Variants in ATG101 observed in about 807,000 individuals in gnomAD.
ATG101 encodes autophagy-related protein 101.
Under a neutral mutation model 16.7 loss-of-function variants are expected in ATG101, and 6 were observed. The observed-to-expected ratio is 0.36, with a 90% confidence interval of 0.20 to 0.71. ATG101 has a LOEUF of 0.71. Among genes scored for constraint, ATG101 ranks in the 30% least tolerant of loss-of-function variants. ATG101 has a pLI of 0.57. For missense variants in ATG101, 200 were observed against 292.5 expected (o/e 0.68, Z 2.31); for synonymous variants, 108 against 118.1 (o/e 0.91, Z 0.56).
chr12:52,068,714 C>T (rs567296938), upstream of ATG101, among the ~76,000 whole-genome samples: 10 of 152,008 alleles, frequency 6.6e-5, no homozygotes, highest in Non-Finnish European at 1.2e-4. Context: ...TGGCCGGTCG[C>T]GGTGGCTCAC....
At chr12:52,068,136 T>A (rs1482924113), upstream of ATG101, among the ~76,000 whole-genome samples, 1 of 149,518 alleles carries the variant, frequency 6.7e-6, no homozygotes, top group Admixed American at 6.7e-5. Flanking sequence ...AACCTCCACC[T>A]CCCAGGTTCA....
In ATG101 at chr12:52,073,558, C is replaced by T. The variant is rs1474501597; in HGVS notation, c.-76-17C>T. On this transcript the variant is annotated splice_polypyrimidine_tract_variant and intron_variant, in intron 2 of 3. Transcript: ENST00000336854. ...GGACTATTCTTGTCAGCATTCTGAC[C>T]TGGGCTCCTTTTGCAGGGTGGCCCT... is the stretch of plus-strand genomic sequence containing the variant. 3.4e-6 allele frequency: 5 copies of T among 1,480,696 alleles called. No homozygotes were observed. The highest frequency in any genetic ancestry group is 4.6e-6 in the Non-Finnish European group (5 of 1,090,250). 91.7% of individuals were successfully genotyped at this position (1,480,696 alleles called of 1,614,324 possible). A position where few individuals can be genotyped will look rare whatever the true frequency, so the allele number is the denominator to read the frequency against.
upstream of ATG101, among the ~76,000 whole-genome samples, chr12:52,065,908 G>A (rs187913221): frequency 1.3e-3 from 196 of 152,238 alleles, no homozygotes; most frequent in African/African-American, 4.5e-3. Flanking sequence ...ATGGAGTTTC[G>A]CTCTTGTTGC....
At chr12:52,072,430 G>A (rs768403605) in intron 2 of ATG101, among the ~76,000 whole-genome samples, 20 of 152,248 alleles carry the variant, frequency 1.3e-4, no homozygotes, top group African/African-American at 1.9e-4. Context: ...TGTAGATGAG[G>A]TGGGATTCAA....
chr12:52,076,689 G>A, intron 3 of ATG101, 97 bp from the exon 4 acceptor site: 1 of 1,388,286 alleles, frequency 7.2e-7, no homozygotes, highest in African/African-American at 1.4e-5. Flanking sequence ...ATGATGACTA[G>A]AGCTAAGAGA....
At chr12:52,073,345 G>A (rs1298611258) in intron 2 of ATG101, among the ~76,000 whole-genome samples, 1 of 152,228 alleles carries the variant, frequency 6.6e-6, no homozygotes, top group African/African-American at 2.4e-5. Flanking sequence ...AGCATCTGCT[G>A]TAAACTACAT....
chr12:52,073,635 G>A lies in ATG101; in HGVS notation c.-16G>A. On this transcript the variant is annotated 5_prime_UTR_variant, in exon 3 of 4. Transcript: ENST00000336854. The stretch of plus-strand genomic sequence containing the variant: ...TATCCTAGTTCCACACCTTGGTGTG[G>A]GTTACTGGGTGCAGGATGAACTGTC... 6.2e-7 allele frequency: 1 copy of A among 1,608,414 alleles called. No homozygotes were observed. Among genetic ancestry groups the A allele is most frequent in the Non-Finnish European group, 8.5e-7 (1 of 1,175,794 alleles).
At chr12:52,068,990 C>CAAAAAAAAAAAAA (rs869030833), upstream of ATG101, among the ~76,000 whole-genome samples, 13 of 33,518 alleles carry the variant, frequency 3.9e-4, no homozygotes, top group South Asian at 2.5e-3. Flanking sequence ...GACGCCGTCT[C>CAAAAAAAAAAAAA]AAAAAAAAAA....
In ATG101 at chr12:52,070,367, G is replaced by C. The variant is rs1234630845; in HGVS notation, c.-193G>C. 1 of 152,692 alleles carries C rather than the reference G, an allele frequency of 6.5e-6. No individual in the cohort carries two copies. Among genetic ancestry groups the C allele is most frequent in the Non-Finnish European group, 1.5e-5 (1 of 68,208 alleles). The allele number at this position is 152,692 out of a possible 1,614,324, so 9.5% of individuals were successfully genotyped here. On this transcript the variant is annotated 5_prime_UTR_variant, in exon 2 of 4. Transcript: ENST00000336854. The stretch of plus-strand genomic sequence containing the variant: ...TTTTGCTTTTAGCTGGTCTCTTGTG[G>C]CTCAGCGCCGTGCGGAGGTTGAAGC...
In ATG101 at chr12:52,077,314, C is replaced by G; in HGVS notation, c.*124C>G. 1 of 1,135,842 alleles carries G rather than the reference C, an allele frequency of 8.8e-7. No homozygotes were observed. 70.4% of individuals were successfully genotyped at this position (1,135,842 alleles called of 1,614,324 possible). A position where few individuals can be genotyped will look rare whatever the true frequency, so the allele number is the denominator to read the frequency against. On this transcript the variant is annotated 3_prime_UTR_variant, in exon 4 of 4. Coordinates refer to ENST00000336854, the MANE Select transcript of ATG101 (RefSeq NM_021934.5). ...ATTGGTGAGACTTGGAAGGGGCAGCCCCCGCTGGCTTCTTGGTTTTGTGGT... is the reference window on the plus strand; with the variant it reads ...ATTGGTGAGACTTGGAAGGGGCAGCGCCCGCTGGCTTCTTGGTTTTGTGGT...
At chr12:52,069,845 G>A (rs1311622523), upstream of ATG101, 1 of 152,298 alleles carries the variant, frequency 6.6e-6, no homozygotes, top group Non-Finnish European at 1.5e-5. Context: ...ATGACTATCT[G>A]CGTGTGCTTC....
Position 52,077,251 on chromosome 12 carries a change from A to C in ATG101, c.*61A>C. On this transcript the variant is annotated 3_prime_UTR_variant, in exon 4 of 4. Coordinates refer to ENST00000336854, the MANE Select transcript of ATG101 (RefSeq NM_021934.5). ...CCAGACCTTGGCTTTTGGGAATTGCACTTTTGGGCCTTTGGGCTCTGGAAC... is the reference window on the plus strand; with the variant it reads ...CCAGACCTTGGCTTTTGGGAATTGCCCTTTTGGGCCTTTGGGCTCTGGAAC... The C allele has an allele frequency of 6.4e-7, 1 of 1,556,848 alleles. No individual in the cohort carries two copies. Among genetic ancestry groups the C allele is most frequent in the South Asian group, 1.2e-5 (1 of 84,094 alleles).
In ATG101 at chr12:52,076,852, A is replaced by T. The variant is rs1180665677; in HGVS notation, c.319A>T (p.Lys107Ter). The T allele has an allele frequency of 5.0e-6, 8 of 1,614,200 alleles. No homozygotes were observed. The highest frequency in any genetic ancestry group is 6.8e-6 in the Non-Finnish European group (8 of 1,180,040). ...GTCCTTGGAGTTCTACCAGAAGAAG[A>T]AGTCTCGCTGGCCATTCTCAGACGA... is the stretch of plus-strand genomic sequence containing the variant. Reference protein sequence around the residue: ...QMSLEFYQKKKSRWPFSDECI... With the variant: ...QMSLEFYQKK The change falls in exon 4 of 4, where the codon AAG becomes TAG. Residue 107 changes from lysine (K) to a stop codon, truncating the protein, a stop_gained. Coordinates refer to ENST00000336854, the MANE Select transcript of ATG101 (RefSeq NM_021934.5). LOFTEE classifies it high-confidence loss of function.
At chr12:52,075,366 G>A (rs1040154736) in intron 3 of ATG101, among the ~76,000 whole-genome samples, 1 of 152,234 alleles carries the variant, frequency 6.6e-6, no homozygotes, top group Non-Finnish European at 1.5e-5. Context: ...CCCAGCAAGT[G>A]TGTGACCTTG....
chr12:52,066,174 G>T (rs751572561), upstream of ATG101, among the ~76,000 whole-genome samples: 4 of 152,204 alleles, frequency 2.6e-5, no homozygotes, highest in Non-Finnish European at 5.9e-5. Context: ...ACCACACCCG[G>T]CCGAGAGGGA....
At chr12:52,074,891 C>T (rs961154403) in intron 3 of ATG101, among the ~76,000 whole-genome samples, 8 of 152,102 alleles carry the variant, frequency 5.3e-5, no homozygotes, top group African/African-American at 1.9e-4. Context: ...CCTAGGAATT[C>T]GAGACTGCAG....
At chr12:52,068,256 A>C (rs1281669267), upstream of ATG101, among the ~76,000 whole-genome samples, 1 of 143,268 alleles carries the variant, frequency 7.0e-6, no homozygotes, top group Non-Finnish European at 1.5e-5. Context: ...GTTTCACCAT[A>C]TTGGCCAGGC....
chr12:52,070,950 C>T (rs1939640443), intron 2 of ATG101: 1 of 152,172 alleles, frequency 6.6e-6, no homozygotes, highest in Non-Finnish European at 1.5e-5. Context: ...AGAAACTAAT[C>T]CAGCAACCCC....
rs1470551891 is a variant in ATG101, at chr12:52,073,632, G to T, written c.-19G>T. The T allele has an allele frequency of 1.0e-5, 16 of 1,605,484 alleles. No homozygotes were observed. In the African/African-American group the frequency reaches 2.1e-4, roughly 21 times the overall value. ...CTTTATCCTAGTTCCACACCTTGGT[G>T]TGGGTTACTGGGTGCAGGATGAACT... On this transcript the variant is annotated 5_prime_UTR_variant, in exon 3 of 4. Transcript: ENST00000336854.
Sources: gnomAD v4.1 joint callset for allele counts (sites outside exome capture counted in the v4.1 genomes callset) on GRCh38, gnomAD v4.1.1 for gene constraint, MANE v1.5 for transcripts, NCBI Gene and HGNC (gene_info 2026-07-23, HGNC 2026-07-21) for gene names.